The following MCUB variants were observed in gnomAD, a reference collection of about 807,000 sequenced individuals.
MCUB encodes the protein calcium uniporter regulatory subunit MCUb, mitochondrial.
In MCUB, 46 loss-of-function variants were observed where a neutral mutation model predicts 41.4. That is an observed-to-expected ratio of 1.11 (90% CI 0.88 to 1.42). The LOEUF (loss-of-function observed/expected upper bound fraction) is 1.42, where lower values mean the gene tolerates loss of function less well. Among genes scored for constraint, MCUB ranks in the 40% most tolerant of loss-of-function variants. The pLI is 0.00. For synonymous variants in MCUB, 148 were observed against 148.2 expected, an observed-to-expected ratio of 1.00 and a Z score of 0.01; for missense variants, 403 against 404.9, an observed-to-expected ratio of 1.00 and a Z score of 0.04.
At chr4:109,613,424 G>C (rs1213096417) in intron 1 of MCUB, among the ~76,000 whole-genome samples, 2 of 152,290 alleles carry the variant, frequency 1.3e-5, no homozygotes, top group Non-Finnish European at 2.9e-5. Flanking sequence ...AAAGCTTTCA[G>C]GTCCACTCAC....
intron 1 of MCUB, among the ~76,000 whole-genome samples, chr4:109,584,321 C>T (rs548600300): frequency 1.6e-4 from 24 of 152,192 alleles, no homozygotes; most frequent in Non-Finnish European, 2.9e-4. Context: ...TTTATTGCGT[C>T]TACTTGATTC....
chr4:109,628,281 G>T (rs537266321), intron 1 of MCUB, among the ~76,000 whole-genome samples: 2 of 152,310 alleles, frequency 1.3e-5, no homozygotes, highest in South Asian at 2.1e-4. Flanking sequence ...AGGCCAGTGC[G>T]CCTGGAGAGG....
At chr4:109,660,425 G>A (rs1729205316) in intron 3 of MCUB, 60 bp downstream of exon 3, 1 of 901,298 alleles carries the variant, frequency 1.1e-6, no homozygotes, top group Non-Finnish European at 1.7e-6. Context: ...CTGAACTTTT[G>A]TTTGGTTCTT....
chr4:109,621,522 A>G (rs1728250141), intron 1 of MCUB, among the ~76,000 whole-genome samples: 1 of 152,226 alleles, frequency 6.6e-6, no homozygotes, highest in South Asian at 2.1e-4. Context: ...GATGAATGCC[A>G]AATGACACTT....
chr4:109,610,075 TAC>T (rs2126133152), intron 1 of MCUB, among the ~76,000 whole-genome samples: 1 of 151,720 alleles, frequency 6.6e-6, no homozygotes, highest in East Asian at 1.9e-4. Flanking sequence ...CCATGGGGAG[TAC>T]AGCCAGGCTA....
At chr4:109,574,454 A>G (rs1212564125) in intron 1 of MCUB, among the ~76,000 whole-genome samples, 4 of 152,202 alleles carry the variant, frequency 2.6e-5, no homozygotes, top group African/African-American at 9.6e-5. Context: ...CAACACAGCT[A>G]GAGCCTGGTG....
At chr4:109,597,414 A>AC (rs1727588649) in intron 1 of MCUB, among the ~76,000 whole-genome samples, 1 of 102,122 alleles carries the variant, frequency 9.8e-6, no homozygotes, top group African/African-American at 4.0e-5. Flanking sequence ...CGGGGGGCTG[A>AC]CCCCCCCACC....
At chr4:109,677,766 T>A (rs77985525) in intron 4 of MCUB, among the ~76,000 whole-genome samples, 1,599 of 148,956 alleles carry the variant, frequency 0.011, 31 homozygotes, top group African/African-American at 0.037. Flanking sequence ...TTTCCCAGCC[T>A]CCACTAACAA....
At chr4:109,577,670 C>T (rs1257362196) in intron 1 of MCUB, among the ~76,000 whole-genome samples, 1 of 23,668 alleles carries the variant, frequency 4.2e-5, no homozygotes, top group African/African-American at 1.4e-4. Flanking sequence ...AGTGCAGTGG[C>T]GCGATCTCGG....
intron 1 of MCUB, among the ~76,000 whole-genome samples, chr4:109,592,913 G>C (rs1020415445): frequency 5.3e-5 from 8 of 152,256 alleles, no homozygotes; most frequent in African/African-American, 1.9e-4. Context: ...CAGATATTTT[G>C]AGAGTAACAG....
intron 4 of MCUB, among the ~76,000 whole-genome samples, 165 bp downstream of exon 4, chr4:109,664,559 G>A (rs1729304312): frequency 6.6e-6 from 1 of 151,774 alleles, no homozygotes; most frequent in Admixed American, 6.6e-5. Flanking sequence ...AGAGTAGCTG[G>A]GACTACCTGC....
chr4:109,626,183 T>G (rs1728356028), intron 1 of MCUB, among the ~76,000 whole-genome samples: 1 of 152,222 alleles, frequency 6.6e-6, no homozygotes, highest in South Asian at 2.1e-4. Flanking sequence ...CCTTCTGGAC[T>G]AATTTTACAG....
chr4:109,562,621 C>T (rs1329197607), intron 1 of MCUB, among the ~76,000 whole-genome samples: 1 of 152,012 alleles, frequency 6.6e-6, no homozygotes, highest in Non-Finnish European at 1.5e-5. Context: ...TTCCCAGAAA[C>T]ATTCAGACCC....
intron 1 of MCUB, among the ~76,000 whole-genome samples, chr4:109,627,638 C>T (rs962193101): frequency 6.6e-6 from 1 of 152,172 alleles, no homozygotes; most frequent in Non-Finnish European, 1.5e-5. Flanking sequence ...CTAGACTGGG[C>T]ACGGTGGTTC....
rs1031297028 is a variant in MCUB, at chr4:109,560,365, C to T, written c.28C>T (p.Arg10Cys). 2.3e-6 allele frequency: 3 copies of T among 1,321,794 alleles called. No homozygotes were observed. The highest frequency in any genetic ancestry group is 2.9e-6 in the Non-Finnish European group (3 of 1,036,426). 81.9% of individuals were successfully genotyped at this position (1,321,794 alleles called of 1,614,324 possible). The stretch of plus-strand genomic sequence containing the variant: ...GCTCCAGAGGGGCCTCTGGCCGTGG[C>T]GCACGCGGCTGCTGCCGACCCCTGG... The part of the protein sequence containing the change: MLQRGLWPW[R>C]TRLLPTPGTW... Residue 10 changes from arginine to cysteine, a missense_variant, in exon 1 of 8, where the codon CGC becomes TGC. Physicochemically the swap from Arg to Cys is radical, Grantham distance 180. Coordinates refer to ENST00000394650, the MANE Select transcript of MCUB (RefSeq NM_017918.5).
intron 1 of MCUB, among the ~76,000 whole-genome samples, chr4:109,584,155 A>G (rs867350098): frequency 7.9e-5 from 12 of 152,214 alleles, no homozygotes; most frequent in Non-Finnish European, 1.5e-4. Context: ...CAGAGATTCA[A>G]CTTCTTCCTG....
At chr4:109,652,361 G>A (rs1728980094) in intron 1 of MCUB, among the ~76,000 whole-genome samples, 1 of 152,128 alleles carries the variant, frequency 6.6e-6, no homozygotes, top group Non-Finnish European at 1.5e-5. Flanking sequence ...AAAATCTGTG[G>A]AAATAAGCCA....
chr4:109,585,627 C>G (rs1334827877), intron 1 of MCUB, among the ~76,000 whole-genome samples: 2 of 152,180 alleles, frequency 1.3e-5, no homozygotes, highest in African/African-American at 4.8e-5. Context: ...TTCAGGAGCT[C>G]TTTCAAGGCA....
intron 1 of MCUB, among the ~76,000 whole-genome samples, chr4:109,613,563 A>C (rs546273945): frequency 6.6e-6 from 1 of 152,346 alleles, no homozygotes; most frequent in African/African-American, 2.4e-5. Context: ...GTTTCATCAA[A>C]GTATGCAAGC....
Sources: allele counts gnomAD v4.1 joint callset (sites outside exome capture counted in the v4.1 genomes callset), GRCh38; gene constraint gnomAD v4.1.1; transcripts MANE v1.5; gene names NCBI Gene and HGNC (gene_info 2026-07-23, HGNC 2026-07-21).